FNIP1: variants seen among roughly 807,000 people sequenced by gnomAD.
The protein encoded by FNIP1 is folliculin-interacting protein 1.
FNIP1 carries 40 observed loss-of-function variants against 124.5 expected under a neutral mutation model. The ratio of observed to expected loss-of-function variants is 0.32; its 90% CI spans 0.25 to 0.42. FNIP1 has a LOEUF of 0.42. Ranked by LOEUF, FNIP1 falls within the 10% of genes least tolerant of loss-of-function variation. FNIP1 has a pLI of 1.00. For missense variants in FNIP1, 1,176 were observed against 1,403.7 expected (o/e 0.84, Z 2.59); for synonymous variants, 472 against 470.6 (o/e 1.00, Z -0.04).
chr5:131,704,228 C>G lies in FNIP1; in HGVS notation c.953G>C (p.Cys318Ser). 1.2e-6 allele frequency: 2 copies of G among 1,613,324 alleles called. No homozygotes were observed. Among genetic ancestry groups the G allele is most frequent in the Non-Finnish European group, 1.7e-6 (2 of 1,179,536 alleles). The change falls in exon 10 of 18, where the codon TGT (cysteine) becomes TCT (serine). Residue 318 changes from cysteine to serine, a missense_variant. Coordinates refer to ENST00000510461, the MANE Select transcript of FNIP1 (RefSeq NM_133372.3). ...CCGCACAATTCCTGGGTTAGGGCCA[C>G]AGCTTTCATCTGAGAGATTAAAGCT... The part of the protein sequence containing the change: ...EESFNLSDES[C>S]GPNPGIVRKK...
intron 17 of FNIP1, among the ~76,000 whole-genome samples, chr5:131,645,039 G>T (rs1478429398): frequency 3.9e-5 from 6 of 152,178 alleles, no homozygotes; most frequent in African/African-American, 7.2e-5. Context: ...TGTAATAATA[G>T]CTGGGTGAGG....
At chr5:131,796,574 C>T in intron 1 of FNIP1, 1 of 531,752 alleles carries the variant, frequency 1.9e-6, no homozygotes, top group South Asian at 2.4e-5. Flanking sequence ...TCGCGCGTGG[C>T]TGGGGGCAGG....
intron 16 of FNIP1, among the ~76,000 whole-genome samples, chr5:131,648,979 T>C (rs1374667310): frequency 6.6e-6 from 1 of 152,240 alleles, no homozygotes. Context: ...TTGTAGCATG[T>C]ATTAGAATTT....
At chr5:131,771,255 G>A (rs1687386902) in intron 1 of FNIP1, among the ~76,000 whole-genome samples, 1 of 152,190 alleles carries the variant, frequency 6.6e-6, no homozygotes, top group South Asian at 2.1e-4. Flanking sequence ...TGTACCTCTA[G>A]TCTGATACTA....
rs1491064095 is a variant in FNIP1, at chr5:131,785,133, CTA to C, written c.92+11695_92+11696del. ...TATATCATATATATGATATATATGA[CTA>C]TATATATAGTCATATATATGATATA... On this transcript the variant is annotated intron_variant, in intron 1 of 17. Coordinates refer to ENST00000510461, the MANE Select transcript of FNIP1 (RefSeq NM_133372.3). Among the ~76,000 whole-genome samples, 36 of 20,096 alleles carry C rather than the reference CTA, an allele frequency of 1.8e-3. 2 individuals carry two copies. Among genetic ancestry groups the C allele is most frequent in the Admixed American group, 0.01 (18 of 1,768 alleles). 13.2% of individuals were successfully genotyped at this position (20,096 alleles called of 152,430 possible).
intron 10 of FNIP1, among the ~76,000 whole-genome samples, chr5:131,702,357 T>C (rs181795754): frequency 7.2e-5 from 11 of 152,214 alleles, no homozygotes; most frequent in African/African-American, 2.6e-4. Flanking sequence ...TTAAATTTTT[T>C]TTTGTAGAGA....
chr5:131,780,805 A>G (rs1771971627), intron 1 of FNIP1, among the ~76,000 whole-genome samples: 1 of 152,124 alleles, frequency 6.6e-6, no homozygotes, highest in Non-Finnish European at 1.5e-5. Flanking sequence ...TCCCTGAGAC[A>G]TACCATATGG....
At chr5:131,776,463 CAAA>C (rs1277500652) in intron 1 of FNIP1, among the ~76,000 whole-genome samples, 1 of 152,116 alleles carries the variant, frequency 6.6e-6, no homozygotes. Context: ...TCTTAATAGT[CAAA>C]AATTGGAAAT....
At position 131,796,901 on chromosome 5, in the gene FNIP1, C is replaced by G. The variant is rs747466653; in HGVS notation, c.21G>C (p.Gln7His). The G allele has an allele frequency of 1.9e-6, 3 of 1,608,812 alleles. No individual in the cohort carries two copies. The South Asian group carries it at 3.3e-5, about 18-fold the overall frequency. Reference sequence around the variant, plus strand: ...GCCCGGTCCTCTTGCTGAAGAGCTTCTGGAACAGCGTAGGGGCCATGCTAG... The same window carrying G: ...GCCCGGTCCTCTTGCTGAAGAGCTTGTGGAACAGCGTAGGGGCCATGCTAG... MAPTLF[Q>H]KLFSKRTGLG... Residue 7 changes from glutamine (Q) to histidine (H), a missense_variant, in exon 1 of 18, where the codon CAG becomes CAC. Physicochemically the swap from Gln to His is conservative, Grantham distance 24. Around this residue, in one of 2 missense-constraint regions of FNIP1, gnomAD observed 1,109 missense variants for 1,288.5 expected, o/e 0.86. Transcript: ENST00000510461.
At chr5:131,770,546 T>C (rs957089955) in intron 1 of FNIP1, among the ~76,000 whole-genome samples, 2 of 152,178 alleles carry the variant, frequency 1.3e-5, no homozygotes, top group African/African-American at 4.8e-5. Context: ...ACAGACAATA[T>C]GCTGAAACCA....
At chr5:131,694,100 G>A (rs909872007) in intron 11 of FNIP1, among the ~76,000 whole-genome samples, 11 of 152,160 alleles carry the variant, frequency 7.2e-5, no homozygotes, top group Admixed American at 7.2e-4. Flanking sequence ...AGAGCAATAG[G>A]AACTCTCACT....
At chr5:131,702,293 C>T (rs914907210) in intron 10 of FNIP1, among the ~76,000 whole-genome samples, 2 of 152,196 alleles carry the variant, frequency 1.3e-5, no homozygotes, top group African/African-American at 4.8e-5. Context: ...CCTCCCACCT[C>T]GGCCTCCCTA....
chr5:131,657,070 G>A (rs989087806), intron 15 of FNIP1, among the ~76,000 whole-genome samples: 2 of 129,106 alleles, frequency 1.5e-5, no homozygotes, highest in Admixed American at 1.9e-4. Flanking sequence ...GGGTTGCCCA[G>A]ACAGCTCACT....
chr5:131,644,717 G>A lies in FNIP1; in HGVS notation c.3469C>T (p.His1157Tyr), dbSNP rs756829735. Residue 1157 changes from histidine to tyrosine, a missense_variant, in exon 18 of 18, where the codon CAC becomes TAC. Transcript: ENST00000510461. ...LPLLAAVAST[H>Y]SPYVAQILL The stretch of plus-strand genomic sequence containing the variant: ...AGTATTTGTGCAACATATGGAGAGT[G>A]AGTGCTTGCTACAGCAGCCAGAAGT... 3 of 1,613,844 alleles carry A rather than the reference G, an allele frequency of 1.9e-6. No homozygotes were observed. The highest frequency in any genetic ancestry group is 1.1e-5 in the South Asian group (1 of 91,070).
In FNIP1 at chr5:131,644,775, G is replaced by A. The variant is rs1766818498; in HGVS notation, c.3423-12C>T. ...CACTGGATTCAATCCTGAAATAAAGGGGAAAAAAATGTCAGTTTTGATTTT... is the reference window on the plus strand; with the variant it reads ...CACTGGATTCAATCCTGAAATAAAGAGGAAAAAAATGTCAGTTTTGATTTT... On this transcript the variant is annotated splice_polypyrimidine_tract_variant and intron_variant, in intron 17 of 17. Coordinates refer to ENST00000510461, the MANE Select transcript of FNIP1 (RefSeq NM_133372.3). 6.2e-7 allele frequency: 1 copy of A among 1,612,870 alleles called. No homozygotes were observed. Among genetic ancestry groups the A allele is most frequent in the Non-Finnish European group, 8.5e-7 (1 of 1,179,352 alleles).
At position 131,790,434 on chromosome 5, in the gene FNIP1, G is replaced by A. The variant is rs146354295; in HGVS notation, c.92+6396C>T. 3.9e-3 allele frequency among the ~76,000 whole-genome samples: 470 copies of A among 120,706 alleles called. 3 individuals carry two copies. Among genetic ancestry groups the A allele is most frequent in the African/African-American group, 0.014 (446 of 32,774 alleles). The allele number at this position is 120,706 out of a possible 152,430, so 79.2% of individuals were successfully genotyped here. A position where few individuals can be genotyped will look rare whatever the true frequency, so the allele number is the denominator to read the frequency against. On this transcript the variant is annotated intron_variant, in intron 1 of 17. Transcript: ENST00000510461. ...GCGGAGGTTGCAGTGACCCAAGATCGCACCACCGCTCTCCCGCCTGGGCGA... is the reference window on the plus strand; with the variant it reads ...GCGGAGGTTGCAGTGACCCAAGATCACACCACCGCTCTCCCGCCTGGGCGA...
intron 11 of FNIP1, among the ~76,000 whole-genome samples, chr5:131,683,365 G>T (rs558761147): frequency 1.3e-5 from 2 of 151,744 alleles, no homozygotes; most frequent in East Asian, 3.9e-4. Flanking sequence ...TGGCTAACAC[G>T]GAGAAACCCT....
intron 1 of FNIP1, among the ~76,000 whole-genome samples, chr5:131,780,293 T>C (rs763925375): frequency 1.1e-4 from 16 of 152,096 alleles, no homozygotes; most frequent in Non-Finnish European, 1.9e-4. Context: ...TGTCTACATA[T>C]GGGAGTGTCA....
chr5:131,660,334 A>G (rs1429602355), intron 15 of FNIP1, among the ~76,000 whole-genome samples: 1 of 152,212 alleles, frequency 6.6e-6, no homozygotes, highest in African/African-American at 2.4e-5. Flanking sequence ...TCTGGAGATT[A>G]TAAGAAATGA....
Sources: allele counts gnomAD v4.1 joint callset (sites outside exome capture counted in the v4.1 genomes callset), GRCh38; gene constraint gnomAD v4.1.1; regional missense constraint gnomAD v4.1.1; transcripts MANE v1.5; gene names NCBI Gene and HGNC (gene_info 2026-07-23, HGNC 2026-07-21).